ANKRD31: variants seen among roughly 807,000 people sequenced by gnomAD.
ANKRD31 encodes the protein ankyrin repeat domain-containing protein 31.
ANKRD31 carries 147 observed loss-of-function variants against 186.0 expected under a neutral mutation model. That is an observed-to-expected ratio of 0.79 (90% CI 0.69 to 0.91). The LOEUF (loss-of-function observed/expected upper bound fraction) is 0.91, where lower values mean the gene tolerates loss of function less well. ANKRD31 is among the 40% of genes least tolerant of loss of function. The pLI is 0.00. For missense variants in ANKRD31, 1,986 were observed against 2,148.8 expected (o/e 0.92, Z 1.50); for synonymous variants, 673 against 736.4 (o/e 0.91, Z 1.39).
chr5:75,120,173 C>G (rs918202837), intron 17 of ANKRD31, among the ~76,000 whole-genome samples: 2 of 151,988 alleles, frequency 1.3e-5, no homozygotes, highest in Admixed American at 1.3e-4. Context: ...AGGCAGGAAA[C>G]TGCTTGAGCC....
chr5:75,165,444 T>C (rs1023517553), intron 11 of ANKRD31, among the ~76,000 whole-genome samples: 6 of 152,112 alleles, frequency 3.9e-5, no homozygotes, highest in Admixed American at 2.6e-4. Flanking sequence ...AACAAATGTT[T>C]AGCTTAAAAA....
intron 2 of ANKRD31, among the ~76,000 whole-genome samples, chr5:75,230,307 G>A (rs937770554): frequency 6.6e-6 from 1 of 152,148 alleles, no homozygotes; most frequent in African/African-American, 2.4e-5. Context: ...TTGAATGTAT[G>A]TATAGCTCAC....
At position 75,091,685 on chromosome 5, in the gene ANKRD31, C is replaced by T. The variant is rs111397793; in HGVS notation, c.5332-284G>A. Among the ~76,000 whole-genome samples, 523 of 152,210 alleles carry T rather than the reference C, an allele frequency of 3.4e-3. 4 individuals carry two copies. Among genetic ancestry groups the T allele is most frequent in the African/African-American group, 0.012 (480 of 41,546 alleles). On this transcript the variant is annotated intron_variant, in intron 22 of 25. Coordinates refer to ENST00000506364, the MANE Select transcript of ANKRD31 (RefSeq NM_001372053.1). ...CACTCCCAGCTCTGTGAAGTGGAGA[C>T]TCCACTCTAGATTGCTGTAGTCAAG...
intron 15 of ANKRD31, among the ~76,000 whole-genome samples, chr5:75,140,578 C>A (rs757461199): frequency 1.3e-5 from 2 of 152,186 alleles, no homozygotes; most frequent in Non-Finnish European, 2.9e-5. Context: ...TCTTGAATAG[C>A]TTGCTTCTAA....
intron 17 of ANKRD31, among the ~76,000 whole-genome samples, chr5:75,129,393 G>A (rs1189837702): frequency 2.0e-5 from 3 of 152,036 alleles, no homozygotes; most frequent in South Asian, 2.1e-4. Context: ...AAGCCACATC[G>A]GACATTAGCT....
intron 5 of ANKRD31, among the ~76,000 whole-genome samples, chr5:75,201,026 A>G (rs1237787858): frequency 6.6e-6 from 1 of 152,136 alleles, no homozygotes; most frequent in East Asian, 1.9e-4. Flanking sequence ...GTTTCTTTTG[A>G]TTAGGTAATG....
At chr5:75,233,464 A>T (rs1458136427) in intron 1 of ANKRD31, among the ~76,000 whole-genome samples, 1 of 152,128 alleles carries the variant, frequency 6.6e-6, no homozygotes, top group Non-Finnish European at 1.5e-5. Context: ...AAAGTATTTA[A>T]TCTATTTCAT....
At chr5:75,235,243 T>TC (rs1352675421) in intron 1 of ANKRD31, among the ~76,000 whole-genome samples, 2 of 130,068 alleles carry the variant, frequency 1.5e-5, no homozygotes, top group Admixed American at 1.5e-4. Context: ...TGCTGGTACT[T>TC]TTTTTTTTTT....
intron 2 of ANKRD31, among the ~76,000 whole-genome samples, chr5:75,228,517 CA>C: frequency 6.6e-6 from 1 of 151,052 alleles, no homozygotes; most frequent in Non-Finnish European, 1.5e-5. Flanking sequence ...AGTAAATAAA[CA>C]AAAGGTTGAA....
At chr5:75,192,912 T>C in intron 8 of ANKRD31, 136 bp from the exon 9 acceptor site, 1 of 681,144 alleles carries the variant, frequency 1.5e-6, no homozygotes, top group Non-Finnish European at 2.4e-6. Context: ...GTGGCAGTTT[T>C]AAATACGGAG....
intron 19 of ANKRD31, among the ~76,000 whole-genome samples, chr5:75,114,290 T>G (rs954859133): frequency 2.6e-5 from 4 of 152,170 alleles, no homozygotes; most frequent in South Asian, 4.1e-4. Context: ...TAGACACTTA[T>G]GGAAGTGAGT....
At chr5:75,105,293 A>T in intron 21 of ANKRD31, 75 bp from the exon 22 acceptor site, 4 of 1,354,164 alleles carry the variant, frequency 3.0e-6, no homozygotes, top group Non-Finnish European at 3.8e-6. Context: ...TAGAGGTTAA[A>T]GATACTTTGT....
chr5:75,169,006 A>C lies in ANKRD31; in HGVS notation c.1680T>G (p.His560Gln). The change falls in exon 11 of 26, where the codon CAT becomes CAG. Residue 560 changes from histidine to glutamine, a missense_variant. His to Gln is a conservative substitution (Grantham distance 24, BLOSUM62 0). Coordinates refer to ENST00000506364, the MANE Select transcript of ANKRD31 (RefSeq NM_001372053.1). ...IKGLYQITPLHDAVMNGHYKV... is the reference protein window; with the variant it reads ...IKGLYQITPLQDAVMNGHYKV... ...TATAATGTCCATTCATCACTGCATCATGTAGGGGAGTAATCTGGTATAATC... is the reference window on the plus strand; with the variant it reads ...TATAATGTCCATTCATCACTGCATCCTGTAGGGGAGTAATCTGGTATAATC... The C allele has an allele frequency of 2.0e-6, 3 of 1,536,484 alleles. No homozygotes were observed. Among genetic ancestry groups the C allele is most frequent in the Non-Finnish European group, 2.6e-6 (3 of 1,146,402 alleles).
chr5:75,234,762 TATTATA>T (rs757892026), intron 1 of ANKRD31, among the ~76,000 whole-genome samples: 34 of 152,318 alleles, frequency 2.2e-4, no homozygotes, highest in Admixed American at 3.9e-4. Context: ...TTGAGTTTTG[TATTATA>T]ATTATATCTT....
intron 10 of ANKRD31, among the ~76,000 whole-genome samples, chr5:75,183,207 A>G (rs1285637967): frequency 2.0e-5 from 3 of 152,222 alleles, no homozygotes; most frequent in African/African-American, 4.8e-5. Context: ...AGAATTCAAC[A>G]TCCCTTCATG....
chr5:75,082,337 C>G (rs148243983), intron 24 of ANKRD31, among the ~76,000 whole-genome samples: 575 of 152,174 alleles, frequency 3.8e-3, no homozygotes, highest in African/African-American at 0.013. Flanking sequence ...TGATAGAAAC[C>G]CTGTTTAATT....
In ANKRD31 at chr5:75,147,149, A is replaced by G; in HGVS notation, c.2262T>C (p.Ser754=). ...DCNPRKILAV[S]PSRRINRLVT... ...CCAATCTGTTTATTCTCCTGGAAGG[A>G]GAGACAGCTAGTATCTTTCTTGGAT... Residue 754 remains serine (S), a synonymous_variant, in exon 14 of 26, where the codon TCT becomes TCC. Transcript: ENST00000506364. 6.5e-7 allele frequency: 1 copy of G among 1,536,314 alleles called. No individual in the cohort carries two copies. The highest frequency in any genetic ancestry group is 8.7e-7 in the Non-Finnish European group (1 of 1,146,316).
At chr5:75,217,534 C>T (rs1388444279) in intron 3 of ANKRD31, among the ~76,000 whole-genome samples, 2 of 151,990 alleles carry the variant, frequency 1.3e-5, no homozygotes, top group African/African-American at 4.8e-5. Flanking sequence ...CTTTTTTGAT[C>T]TTTGTTGCTT....
At chr5:75,202,190 C>T (rs6879695) in intron 5 of ANKRD31, among the ~76,000 whole-genome samples, 76,847 of 152,120 alleles carry the variant, frequency 0.51, 22,359 homozygotes, top group African/African-American at 0.81. Context: ...GCCATGGTCA[C>T]TCATATTTGG....
Sources: gnomAD v4.1 joint callset for allele counts (sites outside exome capture counted in the v4.1 genomes callset) on GRCh38, gnomAD v4.1.1 for gene constraint, MANE v1.5 for transcripts, NCBI Gene and HGNC (gene_info 2026-07-23, HGNC 2026-07-21) for gene names.